Variants in CA10 observed in about 807,000 individuals in gnomAD.
CA10 encodes the protein carbonic anhydrase-related protein 10.
CA10 carries 14 observed loss-of-function variants against 44.2 expected under a neutral mutation model. That is an observed-to-expected ratio of 0.32 (90% CI 0.21 to 0.50). The LOEUF is 0.50. Ranked by LOEUF, CA10 falls within the 20% of genes least tolerant of loss-of-function variation. The pLI is 0.99. For missense variants in CA10, 350 were observed against 409.7 expected (o/e 0.85, Z 1.26); for synonymous variants, 159 against 141.6 (o/e 1.12, Z -0.87).
intron 3 of CA10, among the ~76,000 whole-genome samples, chr17:51,901,477 GCTCA>G (rs911991442): frequency 1.3e-5 from 2 of 152,094 alleles, no homozygotes; most frequent in African/African-American, 4.8e-5. Flanking sequence ...TGGGATCTGT[GCTCA>G]CTCACACATG....
chr17:52,059,229 A>G (rs2907784), intron 2 of CA10, among the ~76,000 whole-genome samples: 15,336 of 152,148 alleles, frequency 0.1, 812 homozygotes, highest in South Asian at 0.14. Context: ...CTATTCCTTA[A>G]TGCTGCTAAC....
At chr17:51,791,644 C>T (rs191871435) in intron 3 of CA10, among the ~76,000 whole-genome samples, 2 of 152,222 alleles carry the variant, frequency 1.3e-5, no homozygotes, top group African/African-American at 2.4e-5. Flanking sequence ...GAGATGAATC[C>T]CCATGTCTGG....
chr17:52,122,270 A>T (rs1193115674), intron 1 of CA10, among the ~76,000 whole-genome samples: 1 of 152,214 alleles, frequency 6.6e-6, no homozygotes, highest in Non-Finnish European at 1.5e-5. Context: ...TACATTTTTT[A>T]AAATAGAAGT....
intron 3 of CA10, among the ~76,000 whole-genome samples, chr17:51,817,880 CAA>C (rs1440777316): frequency 7.9e-5 from 12 of 152,116 alleles, no homozygotes; most frequent in Admixed American, 2.6e-4. Flanking sequence ...CAAGCATAGT[CAA>C]AGAATTTGCC....
chr17:51,871,503 GTGT>G (rs1979813979), intron 3 of CA10, among the ~76,000 whole-genome samples: 1 of 146,588 alleles, frequency 6.8e-6, no homozygotes, highest in Non-Finnish European at 1.5e-5. Flanking sequence ...GCCTCCCAAA[GTGT>G]TGGGATTACA....
intron 4 of CA10, among the ~76,000 whole-genome samples, chr17:51,691,630 T>A (rs1197296528): frequency 6.6e-6 from 1 of 151,674 alleles, no homozygotes; most frequent in South Asian, 2.1e-4. Context: ...ATAAAAAAAA[T>A]CATTGCCTAA....
At chr17:51,743,052 C>T (rs186189635) in intron 4 of CA10, among the ~76,000 whole-genome samples, 6 of 152,342 alleles carry the variant, frequency 3.9e-5, no homozygotes, top group East Asian at 1.9e-4. Context: ...TCGGAGCCCA[C>T]CACATGGCAG....
chr17:51,633,228 GTCCA>G (rs558692448), intron 8 of CA10, among the ~76,000 whole-genome samples: 21 of 151,962 alleles, frequency 1.4e-4, no homozygotes, highest in African/African-American at 4.8e-4. Flanking sequence ...TCTACCTACC[GTCCA>G]TCCATCCATC....
At chr17:52,040,679 G>A (rs966647515) in intron 2 of CA10, among the ~76,000 whole-genome samples, 14 of 152,192 alleles carry the variant, frequency 9.2e-5, no homozygotes, top group African/African-American at 3.1e-4. Flanking sequence ...TCAAAGCACA[G>A]AGAGGGAGAA....
chr17:51,633,326 T>G, intron 8 of CA10, 150 bp downstream of exon 8: 1 of 782,146 alleles, frequency 1.3e-6, no homozygotes. Flanking sequence ...CTTTAGACCT[T>G]CATCACCATG....
intron 3 of CA10, among the ~76,000 whole-genome samples, chr17:51,897,887 A>C (rs1394567305): frequency 6.6e-6 from 1 of 152,094 alleles, no homozygotes; most frequent in Admixed American, 6.6e-5. Flanking sequence ...GATGTATAGA[A>C]ATGCTATTGA....
intron 3 of CA10, among the ~76,000 whole-genome samples, chr17:51,887,581 G>C (rs1040562227): frequency 2.6e-5 from 4 of 152,206 alleles, no homozygotes; most frequent in African/African-American, 9.6e-5. Context: ...ATCTGGGTAA[G>C]TTATTTACCT....
At chr17:51,677,462 G>A (rs1022577331) in intron 4 of CA10, among the ~76,000 whole-genome samples, 3 of 152,128 alleles carry the variant, frequency 2.0e-5, no homozygotes, top group African/African-American at 7.2e-5. Context: ...GGCCCCCCCA[G>A]AAGCAGATGC....
intron 3 of CA10, among the ~76,000 whole-genome samples, chr17:51,907,224 T>C (rs1981594865): frequency 6.6e-6 from 1 of 152,096 alleles, no homozygotes; most frequent in Non-Finnish European, 1.5e-5. Context: ...GCCAAGTCTG[T>C]ACCACCTGAT....
chr17:51,884,480 C>A (rs1398544413), intron 3 of CA10, among the ~76,000 whole-genome samples: 1 of 152,094 alleles, frequency 6.6e-6, no homozygotes, highest in African/African-American at 2.4e-5. Context: ...CTGCAAACAC[C>A]CAATGGCTTG....
intron 2 of CA10, among the ~76,000 whole-genome samples, chr17:52,061,986 A>G (rs528367642): frequency 2.2e-4 from 33 of 152,154 alleles, no homozygotes; most frequent in Non-Finnish European, 2.4e-4. Context: ...GGGTGGTCAC[A>G]TACTGAATTT....
intron 3 of CA10, among the ~76,000 whole-genome samples, chr17:51,853,846 G>A (rs1475583755): frequency 6.6e-5 from 10 of 152,140 alleles, no homozygotes; most frequent in Admixed American, 6.5e-4. Context: ...TTGCGAAGAA[G>A]GTGTCTGCTT....
At chr17:52,105,259 GTT>G (rs34246422) in intron 1 of CA10, among the ~76,000 whole-genome samples, 3 of 147,896 alleles carry the variant, frequency 2.0e-5, no homozygotes, top group East Asian at 2.0e-4. Flanking sequence ...ATGTTTTTTT[GTT>G]TTTTTTTTTT....
chr17:51,812,237 T>C (rs896017508), intron 3 of CA10, among the ~76,000 whole-genome samples: 1 of 152,248 alleles, frequency 6.6e-6, no homozygotes, highest in African/African-American at 2.4e-5. Flanking sequence ...AAACTTATAA[T>C]TGAAGACATT....
Sources: allele counts gnomAD v4.1 joint callset (sites outside exome capture counted in the v4.1 genomes callset), GRCh38; gene constraint gnomAD v4.1.1; transcripts MANE v1.5; gene names NCBI Gene and HGNC (gene_info 2026-07-23, HGNC 2026-07-21).